The following TENM1 variants were observed in gnomAD, a reference collection of about 807,000 sequenced individuals.
The protein encoded by TENM1 is teneurin-1.
Under a neutral mutation model 174.8 loss-of-function variants are expected in TENM1, and 35 were observed. The ratio of observed to expected loss-of-function variants is 0.20; its 90% CI spans 0.15 to 0.27. The LOEUF is 0.27. Among genes scored for constraint, TENM1 ranks in the 10% least tolerant of loss-of-function variants. The pLI is 1.00. For missense variants in TENM1, 1,633 were observed against 2,130.1 expected (o/e 0.77, Z 4.59); for synonymous variants, 781 against 798.7 (o/e 0.98, Z 0.37).
At chrX:124,794,496 A>G (rs190133610) in intron 3 of TENM1, among the ~76,000 whole-genome samples, 78 of 110,817 alleles carry the variant, frequency 7.0e-4, no homozygotes, top group African/African-American at 2.5e-3. Flanking sequence ...ACCACATTCT[A>G]TTGGTTTCCT....
At chrX:124,867,086 C>T (rs1286582958) in intron 3 of TENM1, among the ~76,000 whole-genome samples, 1 of 111,458 alleles carries the variant, frequency 9.0e-6, no homozygotes, top group Admixed American at 9.6e-5. Context: ...ATGAATCCTA[C>T]TCAAACTATT....
intron 11 of TENM1, among the ~76,000 whole-genome samples, chrX:124,568,932 A>G (rs1420109690): frequency 1.8e-5 from 2 of 111,952 alleles, no homozygotes; most frequent in Non-Finnish European, 3.8e-5. Context: ...GGCCAGGCAC[A>G]TTGGCATACA....
At chrX:125,083,084 C>T in the TENM1 span, among the ~76,000 whole-genome samples, 1 of 111,412 alleles carries the variant, frequency 9.0e-6, no homozygotes, top group Admixed American at 9.5e-5. Flanking sequence ...AACTATCTGG[C>T]ACACTGTTGG....
intron 11 of TENM1, among the ~76,000 whole-genome samples, chrX:124,567,642 T>C (rs926979250): frequency 9.0e-6 from 1 of 111,564 alleles, no homozygotes; most frequent in Non-Finnish European, 1.9e-5. Flanking sequence ...GTGAGAAAAG[T>C]CTAGGGCATA....
At chrX:125,158,589 C>A in the TENM1 span, among the ~76,000 whole-genome samples, 1 of 110,026 alleles carries the variant, frequency 9.1e-6, no homozygotes, top group Non-Finnish European at 1.9e-5. Flanking sequence ...ATAACATTAA[C>A]ATTCATGTCC....
At chrX:125,190,836 AC>A in the TENM1 span, among the ~76,000 whole-genome samples, 58 of 111,280 alleles carry the variant, frequency 5.2e-4, no homozygotes, top group Non-Finnish European at 9.3e-4. Context: ...ATGACCTATT[AC>A]CCACCTTTTT....
At chrX:124,742,046 A>G (rs948155653) in intron 3 of TENM1, among the ~76,000 whole-genome samples, 1 of 112,252 alleles carries the variant, frequency 8.9e-6, no homozygotes. Context: ...TGTCAGTATT[A>G]CAGTAATGCC....
chrX:125,039,844 T>C, the TENM1 span, among the ~76,000 whole-genome samples: 1 of 111,608 alleles, frequency 9.0e-6, no homozygotes, highest in Non-Finnish European at 1.9e-5. Flanking sequence ...CTTGATCAGA[T>C]TGAATGTATT....
At chrX:125,011,179 A>G in the TENM1 span, among the ~76,000 whole-genome samples, 1 of 112,036 alleles carries the variant, frequency 8.9e-6, no homozygotes, top group Non-Finnish European at 1.9e-5. Context: ...TACAAAGATT[A>G]ACTCGAGATG....
chrX:124,460,510 T>G (rs1260177509), intron 22 of TENM1, among the ~76,000 whole-genome samples: 3 of 110,717 alleles, frequency 2.7e-5, no homozygotes, highest in Non-Finnish European at 5.7e-5. Context: ...TTCTCACTTA[T>G]AAGTGGGATC....
At chrX:124,807,664 G>A (rs2055638477) in intron 3 of TENM1, among the ~76,000 whole-genome samples, 1 of 110,887 alleles carries the variant, frequency 9.0e-6, no homozygotes, top group Non-Finnish European at 1.9e-5. Context: ...AGATGTAAAT[G>A]GTGACATTAA....
chrX:124,970,836 C>T, the TENM1 span, among the ~76,000 whole-genome samples: 2 of 110,752 alleles, frequency 1.8e-5, no homozygotes, highest in African/African-American at 3.3e-5. Flanking sequence ...CACATGCACA[C>T]GTATGTTCAT....
At chrX:125,147,289 C>T in the TENM1 span, among the ~76,000 whole-genome samples, 2 of 108,470 alleles carry the variant, frequency 1.8e-5, no homozygotes, top group Non-Finnish European at 3.8e-5. Flanking sequence ...TAGTATATAC[C>T]ATACTATAGT....
rs1055083157 is a variant in TENM1 at position 124,666,131 on chromosome X, T to G, written c.1168+5552A>C. ...ACACTGACTAGAAAAACGTCATTTT[T>G]TTTCAACTTTGTGGAGATAGATTGT... On this transcript the variant is annotated intron_variant, in intron 6 of 31. Coordinates refer to ENST00000422452, the Ensembl canonical transcript of TENM1. Among the ~76,000 whole-genome samples, 8 of 111,986 alleles carry G rather than the reference T, an allele frequency of 7.1e-5. No homozygotes were observed. The East Asian group carries it at 8.4e-4, about 12-fold the overall frequency.
chrX:125,146,259 G>A, the TENM1 span, among the ~76,000 whole-genome samples: 2 of 110,916 alleles, frequency 1.8e-5, no homozygotes, highest in South Asian at 7.6e-4. Context: ...TTTGGTGAGG[G>A]CAAAAGGAGA....
At chrX:124,434,531 T>C (rs760571580) in intron 23 of TENM1, among the ~76,000 whole-genome samples, 70 of 112,229 alleles carry the variant, frequency 6.2e-4, no homozygotes, top group Non-Finnish European at 1.1e-3. Context: ...TGCTGTGTAA[T>C]TGCCACTACC....
the TENM1 span, among the ~76,000 whole-genome samples, chrX:124,989,412 C>T: frequency 2.7e-5 from 3 of 111,205 alleles, no homozygotes; most frequent in African/African-American, 9.8e-5. Flanking sequence ...GACAAATACA[C>T]CATGGTCATG....
At chrX:124,482,319 C>T (rs1321237525) in intron 21 of TENM1, among the ~76,000 whole-genome samples, 1 of 109,998 alleles carries the variant, frequency 9.1e-6, no homozygotes, top group East Asian at 2.9e-4. Context: ...TCACCTCAAA[C>T]TCAACATATC....
chrX:124,653,095 A>AATCC (rs201224770), intron 7 of TENM1, among the ~76,000 whole-genome samples: 1,288 of 112,001 alleles, frequency 0.011, 9 homozygotes, highest in South Asian at 0.024. Flanking sequence ...AAGTTTATGG[A>AATCC]AGGGCTATAA....
Sources: allele counts gnomAD v4.1 joint callset (sites outside exome capture counted in the v4.1 genomes callset), GRCh38; gene constraint gnomAD v4.1.1; transcripts MANE v1.5; gene names NCBI Gene and HGNC (gene_info 2026-07-23, HGNC 2026-07-21).